The following SMARCA2 variants were observed in gnomAD, a reference collection of about 807,000 sequenced individuals.
SMARCA2 encodes SWI/SNF related BAF chromatin remodeling complex subunit ATPase 2, also known as SWI/SNF-related matrix-associated actin-dependent regulator of chromatin subfamily A member 2.
Under a neutral mutation model 199.8 loss-of-function variants are expected in SMARCA2, and 61 were observed. That is an observed-to-expected ratio of 0.31 (90% CI 0.25 to 0.38). The LOEUF is 0.38. Among genes scored for constraint, SMARCA2 ranks in the 10% least tolerant of loss-of-function variants. SMARCA2 has a pLI of 1.00. For synonymous variants in SMARCA2, 935 were observed against 732.0 expected (o/e 1.28, Z -4.48); for missense variants, 1,344 against 2,012.2 (o/e 0.67, Z 6.35).
chr9:2,032,882 G>T, intron 2 of SMARCA2, 70 bp from the exon 3 acceptor site: 1 of 1,426,714 alleles, frequency 7.0e-7, no homozygotes, highest in South Asian at 1.3e-5. Context: ...TTAGGAAGGG[G>T]TCTGAAAACT....
chr9:2,109,902 GAGAC>G (rs1230754098), intron 23 of SMARCA2, among the ~76,000 whole-genome samples: 5 of 150,884 alleles, frequency 3.3e-5, no homozygotes, highest in African/African-American at 7.5e-5. Flanking sequence ...GAGAGTGAAA[GAGAC>G]AGGGCGAGAG....
chr9:2,157,296 G>C (rs2130739727), intron 27 of SMARCA2, among the ~76,000 whole-genome samples: 1 of 152,268 alleles, frequency 6.6e-6, no homozygotes, highest in South Asian at 2.1e-4. Context: ...GGGAGGTTTA[G>C]CCTGTCTGAA....
At chr9:2,188,570 C>T (rs1028157993) in intron 32 of SMARCA2, among the ~76,000 whole-genome samples, 2 of 152,168 alleles carry the variant, frequency 1.3e-5, no homozygotes, top group Admixed American at 6.5e-5. Flanking sequence ...GATTTCTAAT[C>T]TGTTTTCAAA....
At chr9:2,027,550 A>T (rs1342853085) in intron 1 of SMARCA2, among the ~76,000 whole-genome samples, 1 of 152,200 alleles carries the variant, frequency 6.6e-6, no homozygotes, top group African/African-American at 2.4e-5. Context: ...TTGAGCTATG[A>T]CTATATGCTG....
At chr9:2,109,400 A>G (rs1334422794) in intron 23 of SMARCA2, among the ~76,000 whole-genome samples, 1 of 152,124 alleles carries the variant, frequency 6.6e-6, no homozygotes, top group African/African-American at 2.4e-5. Context: ...CACATACATA[A>G]TATGTGATTG....
chr9:2,064,917 G>C (rs182260363), intron 9 of SMARCA2, among the ~76,000 whole-genome samples: 271 of 152,356 alleles, frequency 1.8e-3, no homozygotes, highest in Non-Finnish European at 3.1e-3. Flanking sequence ...GGGTGCGGCG[G>C]CTCACGCCTG....
chr9:2,177,842 G>A lies in SMARCA2; in HGVS notation c.4254-3729G>A, dbSNP rs539479737. Among the ~76,000 whole-genome samples, 9 of 152,294 alleles carry A rather than the reference G, an allele frequency of 5.9e-5. No homozygotes were observed. In the South Asian group the frequency reaches 6.2e-4, roughly 11 times the overall value. Reference sequence around the variant, plus strand: ...GCTGGGATTACAGGCATGAGCCACCGTGCCCGGCCAGAGGTAGATTTCTTA... The same window carrying A: ...GCTGGGATTACAGGCATGAGCCACCATGCCCGGCCAGAGGTAGATTTCTTA... On this transcript the variant is annotated intron_variant, in intron 29 of 33. Coordinates refer to ENST00000349721, the MANE Select transcript of SMARCA2 (RefSeq NM_003070.5).
chr9:2,018,054 C>T (rs1818439340), intron 1 of SMARCA2: 1 of 152,238 alleles, frequency 6.6e-6, no homozygotes, highest in Non-Finnish European at 1.5e-5. Flanking sequence ...GTCGCTGCGC[C>T]CGGGGCTGTT....
At chr9:2,188,652 T>C (rs1827659565) in intron 32 of SMARCA2, among the ~76,000 whole-genome samples, 1 of 152,214 alleles carries the variant, frequency 6.6e-6, no homozygotes, top group South Asian at 2.1e-4. Context: ...TTTCTATTGC[T>C]GCTATAACAA....
At chr9:2,074,021 C>A (rs12342240) in intron 12 of SMARCA2, among the ~76,000 whole-genome samples, 10,649 of 152,158 alleles carry the variant, frequency 0.07, 1,109 homozygotes, top group African/African-American at 0.23. Flanking sequence ...TTCAGACCTT[C>A]GAGTCTATTT....
Position 2,104,139 on chromosome 9 carries a change from T to C in SMARCA2, c.3262T>C (p.Phe1088Leu). Reference protein sequence around the residue: ...LMTIMEDYFAFRNFLYLRLDG... With the variant: ...LMTIMEDYFALRNFLYLRLDG... Reference sequence around the variant, plus strand: ...GACCATCATGGAGGATTATTTTGCTTTTCGGAACTTCCTTTACCTACGCCT... The same window carrying C: ...GACCATCATGGAGGATTATTTTGCTCTTCGGAACTTCCTTTACCTACGCCT... The change falls in exon 23 of 34, where the codon TTT becomes CTT. Residue 1088 changes from phenylalanine to leucine, a missense_variant. This residue lies in a region of SMARCA2 where 98 missense variants were observed against 245.6 expected (regional missense o/e 0.40). Transcript: ENST00000349721. The surrounding 1 kb of genome is among the most constrained non-coding windows in gnomAD (Gnocchi z 4.0). 1 of 1,614,108 alleles carries C rather than the reference T, an allele frequency of 6.2e-7. No homozygotes were observed. The highest frequency in any genetic ancestry group is 8.5e-7 in the Non-Finnish European group (1 of 1,179,992).
chr9:2,137,003 G>A (rs894042291), intron 27 of SMARCA2, among the ~76,000 whole-genome samples: 1 of 152,128 alleles, frequency 6.6e-6, no homozygotes, highest in African/African-American at 2.4e-5. Context: ...GACACAGCAG[G>A]CAACTGGGTT....
At chr9:2,099,456 G>T (rs1199704834) in intron 21 of SMARCA2, among the ~76,000 whole-genome samples, 1 of 152,128 alleles carries the variant, frequency 6.6e-6, no homozygotes, top group Non-Finnish European at 1.5e-5. Flanking sequence ...GGGCTAAGTA[G>T]GGAAGGAAGG....
intron 27 of SMARCA2, among the ~76,000 whole-genome samples, chr9:2,143,547 AG>A (rs1824567153): frequency 6.6e-6 from 1 of 152,202 alleles, no homozygotes; most frequent in African/African-American, 2.4e-5. Context: ...CCTGTGGGAG[AG>A]GAGACCCGTC....
At chr9:2,079,616 G>A (rs1003303164) in intron 14 of SMARCA2, among the ~76,000 whole-genome samples, 1 of 151,684 alleles carries the variant, frequency 6.6e-6, no homozygotes, top group Admixed American at 6.6e-5. Flanking sequence ...ATCTTGGGGG[G>A]CCCTGAGAAC....
intron 31 of SMARCA2, among the ~76,000 whole-genome samples, chr9:2,183,340 C>G (rs933628625): frequency 1.3e-5 from 2 of 152,166 alleles, no homozygotes; most frequent in Non-Finnish European, 2.9e-5. Context: ...TTGCAATTCT[C>G]TTTTTACTCC....
rs1000449019 is a variant in SMARCA2 at position 2,169,708 on chromosome 9, G to C, written c.4200-711G>C. Among the ~76,000 whole-genome samples the C allele has an allele frequency of 1.3e-5, 2 of 152,098 alleles. No individual in the cohort carries two copies. Among genetic ancestry groups the C allele is most frequent in the Non-Finnish European group, 2.9e-5 (2 of 68,014 alleles). On this transcript the variant is annotated intron_variant, in intron 28 of 33. Transcript: ENST00000349721. This position sits in a 1 kb window ranked among gnomAD's most constrained non-coding sequence, Gnocchi z 6.5. ...GGTATGGAGGGTCTTCCCAGGATCT[G>C]TGAAACCTGGCAGCTGCTTCCCTGC...
chr9:2,104,219 G>T lies in SMARCA2; in HGVS notation c.3292+50G>T. 6.6e-7 allele frequency: 1 copy of T among 1,516,534 alleles called. No homozygotes were observed. The highest frequency in any genetic ancestry group is 9.1e-7 in the Non-Finnish European group (1 of 1,102,418). The allele number at this position is 1,516,534 out of a possible 1,614,324, so 93.9% of individuals were successfully genotyped here. A position where few individuals can be genotyped will look rare whatever the true frequency, so the allele number is the denominator to read the frequency against. ...GGAAGCCATACTACTGAAAATGAAGGGATAATGGGCACTTAGGTCCAATCT... is the reference window on the plus strand; with the variant it reads ...GGAAGCCATACTACTGAAAATGAAGTGATAATGGGCACTTAGGTCCAATCT... On this transcript the variant is annotated intron_variant, in intron 23 of 33. Transcript: ENST00000349721. This position sits in a 1 kb window ranked among gnomAD's most constrained non-coding sequence, Gnocchi z 4.0.
At chr9:2,125,930 C>T (rs995046502) in intron 27 of SMARCA2, among the ~76,000 whole-genome samples, 10 of 152,212 alleles carry the variant, frequency 6.6e-5, no homozygotes, top group African/African-American at 2.4e-4. Flanking sequence ...AGAAAAACAA[C>T]ATTATGAATC....
Sources: allele counts gnomAD v4.1 joint callset (sites outside exome capture counted in the v4.1 genomes callset), GRCh38; gene constraint gnomAD v4.1.1; regional missense constraint gnomAD v4.1.1; non-coding constraint Gnocchi (gnomAD v3.1); transcripts MANE v1.5; gene names NCBI Gene and HGNC (gene_info 2026-07-23, HGNC 2026-07-21).